Variants in CSMD1 observed in about 807,000 individuals in gnomAD.
CSMD1 encodes CUB and sushi domain-containing protein 1.
In CSMD1, 213 loss-of-function variants were observed where a neutral mutation model predicts 417.5. The observed-to-expected ratio is 0.51, with a 90% CI of 0.46 to 0.57. The LOEUF is 0.57. CSMD1 is among the 20% of genes least tolerant of loss of function. CSMD1 has a pLI of 0.00. For synonymous variants in CSMD1, 2,862 were observed against 1,736.8 expected, an observed-to-expected ratio of 1.65 and a Z score of -16.11; for missense variants, 6,923 against 4,529.7, an observed-to-expected ratio of 1.53 and a Z score of -15.17.
chr8:4,417,788 A>C (rs1797027149), intron 3 of CSMD1, among the ~76,000 whole-genome samples: 1 of 152,042 alleles, frequency 6.6e-6, no homozygotes, highest in South Asian at 2.1e-4. Context: ...TCTACTTCAT[A>C]TACATATATA....
chr8:3,430,272 T>C (rs1275210823), intron 12 of CSMD1, among the ~76,000 whole-genome samples: 4 of 152,174 alleles, frequency 2.6e-5, no homozygotes, highest in Admixed American at 1.3e-4. Flanking sequence ...TCAATATGAA[T>C]ACTTACAGGT....
chr8:4,822,491 T>C (rs981924319), intron 1 of CSMD1, among the ~76,000 whole-genome samples: 1 of 152,242 alleles, frequency 6.6e-6, no homozygotes. Context: ...CCGATGGAGA[T>C]GTTTCTCATT....
rs139455406 is a variant in CSMD1 at position 3,976,165 on chromosome 8, T to A, written c.818+21738A>T. On this transcript the variant is annotated intron_variant, in intron 5 of 69. Coordinates refer to ENST00000635120, the MANE Select transcript of CSMD1 (RefSeq NM_033225.6). ...TACACCAAGAATGCATAACCTAAGG[T>A]TTCAAATACGAGATAACTTATGCTT... Among the ~76,000 whole-genome samples, 255 of 152,166 alleles carry A rather than the reference T, an allele frequency of 1.7e-3. 1 individual carries two copies. The highest frequency in any genetic ancestry group is 5.6e-3 in the African/African-American group (232 of 41,516).
intron 5 of CSMD1, among the ~76,000 whole-genome samples, chr8:3,903,796 A>G (rs1584939786): frequency 6.6e-6 from 1 of 152,158 alleles, no homozygotes; most frequent in South Asian, 2.1e-4. Context: ...CTCTCGGATC[A>G]GTGTTCCATG....
intron 3 of CSMD1, among the ~76,000 whole-genome samples, chr8:4,099,110 T>A (rs940293644): frequency 6.6e-6 from 1 of 152,022 alleles, no homozygotes; most frequent in Non-Finnish European, 1.5e-5. Flanking sequence ...TCTTTTTTTG[T>A]CCATCTCTGC....
intron 18 of CSMD1, among the ~76,000 whole-genome samples, chr8:3,384,986 TA>T (rs1810901507): frequency 8.7e-6 from 1 of 114,784 alleles, no homozygotes; most frequent in Admixed American, 1.1e-4. Flanking sequence ...ATAGCATATA[TA>T]ATACATATGC....
chr8:4,281,919 A>C (rs1796805641), intron 3 of CSMD1, among the ~76,000 whole-genome samples: 1 of 152,216 alleles, frequency 6.6e-6, no homozygotes, highest in South Asian at 2.1e-4. Flanking sequence ...TGACGTTTTG[A>C]TGACATAGAT....
chr8:4,456,209 C>T (rs181505718), intron 2 of CSMD1, among the ~76,000 whole-genome samples: 1 of 151,918 alleles, frequency 6.6e-6, no homozygotes. Flanking sequence ...GTTTTTAAAG[C>T]TTGGGCCAAT....
chr8:3,558,298 T>C (rs71521877), intron 10 of CSMD1, among the ~76,000 whole-genome samples: 1,673 of 97,236 alleles, frequency 0.017, 41 homozygotes, highest in Non-Finnish European at 0.029. Context: ...TCAATGGAAC[T>C]CCGTGTTCAC....
intron 3 of CSMD1, among the ~76,000 whole-genome samples, chr8:4,196,611 C>G (rs1217781031): frequency 1.3e-5 from 2 of 152,184 alleles, no homozygotes; most frequent in Admixed American, 6.5e-5. Flanking sequence ...CTTTGTGAAT[C>G]TTCAAGGCCA....
chr8:3,219,254 C>G lies in CSMD1; in HGVS notation c.4672+1G>C. The G allele has an allele frequency of 6.3e-7, 1 of 1,585,960 alleles. No homozygotes were observed. The highest frequency in any genetic ancestry group is 8.6e-7 in the Non-Finnish European group (1 of 1,165,008). ...CACTCAAATTCAGGCAATCGCAATA[C>G]CTTTAAATTCAATGGCGAACCCTGA... On this transcript the variant is annotated splice_donor_variant, in intron 29 of 69. Coordinates refer to ENST00000635120, the MANE Select transcript of CSMD1 (RefSeq NM_033225.6). LOFTEE classifies it high-confidence loss of function.
chr8:3,423,325 G>T (rs1016013618), intron 12 of CSMD1, among the ~76,000 whole-genome samples: 1 of 152,142 alleles, frequency 6.6e-6, no homozygotes, highest in Non-Finnish European at 1.5e-5. Flanking sequence ...TCCATTTTCA[G>T]TCCATTTTTT....
At chr8:4,026,441 T>C (rs1214311883) in intron 4 of CSMD1, among the ~76,000 whole-genome samples, 3 of 152,222 alleles carry the variant, frequency 2.0e-5, no homozygotes, top group Admixed American at 6.5e-5. Context: ...GACTGTTATG[T>C]CAACTTTGAC....
At chr8:3,775,833 C>T (rs76037663) in intron 5 of CSMD1, among the ~76,000 whole-genome samples, 188 of 152,304 alleles carry the variant, frequency 1.2e-3, no homozygotes, top group Middle Eastern at 3.4e-3. Flanking sequence ...TTTCCGCCAA[C>T]GCGCAGGGTT....
chr8:3,263,550 T>C (rs537379394), intron 26 of CSMD1, among the ~76,000 whole-genome samples: 1 of 152,220 alleles, frequency 6.6e-6, no homozygotes, highest in Admixed American at 6.5e-5. Flanking sequence ...TCATTTTTGG[T>C]AATACATTCA....
chr8:3,741,340 G>A (rs1796794118), intron 6 of CSMD1, among the ~76,000 whole-genome samples: 1 of 151,174 alleles, frequency 6.6e-6, no homozygotes, highest in East Asian at 2.0e-4. Context: ...TCCCTTTCAA[G>A]AAGTTTGACA....
intron 2 of CSMD1, among the ~76,000 whole-genome samples, chr8:4,508,866 C>A (rs531018869): frequency 9.9e-5 from 15 of 152,110 alleles, no homozygotes; most frequent in African/African-American, 3.4e-4. Flanking sequence ...TTTCTGGAAG[C>A]TTTTAGTAGC....
chr8:4,757,218 G>A (rs141111744), intron 1 of CSMD1, among the ~76,000 whole-genome samples: 3 of 152,114 alleles, frequency 2.0e-5, no homozygotes, highest in Non-Finnish European at 4.4e-5. Flanking sequence ...TTTACTTCAG[G>A]TTCTCCTTAG....
intron 3 of CSMD1, among the ~76,000 whole-genome samples, chr8:4,159,609 G>C (rs751920387): frequency 6.6e-6 from 1 of 152,134 alleles, no homozygotes; most frequent in Non-Finnish European, 1.5e-5. Flanking sequence ...ATTATTGTGA[G>C]ACAGAGTCTC....
Sources: allele counts gnomAD v4.1 joint callset (sites outside exome capture counted in the v4.1 genomes callset), GRCh38; gene constraint gnomAD v4.1.1; transcripts MANE v1.5; gene names NCBI Gene and HGNC (gene_info 2026-07-23, HGNC 2026-07-21).